The following ROR1 variants were observed in gnomAD, a reference collection of about 807,000 sequenced individuals.
ROR1 encodes the protein ROR family WNT receptor 1, also known as inactive tyrosine-protein kinase transmembrane receptor ROR1.
Under a neutral mutation model 78.8 loss-of-function variants are expected in ROR1, and 19 were observed. The observed-to-expected ratio is 0.24, with a 90% CI of 0.17 to 0.35. The LOEUF (loss-of-function observed/expected upper bound fraction) is 0.35, where lower values mean the gene tolerates loss of function less well. Among genes scored for constraint, ROR1 ranks in the 10% least tolerant of loss-of-function variants. ROR1 has a pLI of 1.00. For missense variants in ROR1, 917 were observed against 1,177.8 expected (o/e 0.78, Z 3.24); for synonymous variants, 386 against 433.6 (o/e 0.89, Z 1.36).
At chr1:64,130,084 A>G (rs1648859165) in intron 4 of ROR1, among the ~76,000 whole-genome samples, 1 of 152,250 alleles carries the variant, frequency 6.6e-6, no homozygotes, top group Non-Finnish European at 1.5e-5. Context: ...TAGCTAAGCG[A>G]ATAAATGTTA....
At chr1:63,820,113 TGATAA>T (rs1644915188) in intron 1 of ROR1, among the ~76,000 whole-genome samples, 1 of 152,222 alleles carries the variant, frequency 6.6e-6, no homozygotes, top group African/African-American at 2.4e-5. Context: ...AAAATGTCAT[TGATAA>T]GATATCAAAA....
intron 7 of ROR1, among the ~76,000 whole-genome samples, chr1:64,153,778 A>G (rs948224565): frequency 2.2e-4 from 33 of 152,324 alleles, no homozygotes; most frequent in African/African-American, 7.7e-4. Context: ...TTCAATGGGC[A>G]TAGAGTTTTA....
intron 2 of ROR1, among the ~76,000 whole-genome samples, chr1:64,040,201 G>A (rs116486465): frequency 8.3e-4 from 127 of 152,208 alleles, no homozygotes; most frequent in African/African-American, 3.0e-3. Context: ...TTTAAAATTG[G>A]GATGGATGAG....
intron 1 of ROR1, among the ~76,000 whole-genome samples, chr1:63,902,344 G>C (rs1235081703): frequency 1.3e-5 from 2 of 149,110 alleles, no homozygotes; most frequent in Non-Finnish European, 3.0e-5. Context: ...TCTTTTAAGA[G>C]TCTTGCTCTG....
intron 8 of ROR1, among the ~76,000 whole-genome samples, chr1:64,160,400 T>G (rs1649904438): frequency 6.6e-6 from 1 of 151,978 alleles, no homozygotes; most frequent in South Asian, 2.1e-4. Context: ...AAAAATTCAG[T>G]GTATATATTC....
intron 7 of ROR1, among the ~76,000 whole-genome samples, chr1:64,148,173 C>T (rs954962569): frequency 3.3e-5 from 5 of 152,124 alleles, no homozygotes; most frequent in African/African-American, 1.2e-4. Context: ...ATAGTTCTAT[C>T]CCCCTAGGAG....
Position 63,912,312 on chromosome 1 carries a change from AC to A in ROR1, c.92-96992del, listed in dbSNP as rs1157482515. 6.3e-4 allele frequency among the ~76,000 whole-genome samples: 92 copies of A among 144,894 alleles called. No individual in the cohort carries two copies. The South Asian group carries it at 0.017, about 26-fold the overall frequency. ...GACCCTATCTCAAAAAAAAAAAAAA[AC>A]AAAAAACAGAAGACATGGTCCTGAT... On this transcript the variant is annotated intron_variant, in intron 1 of 8. Coordinates refer to ENST00000371079, the MANE Select transcript of ROR1 (RefSeq NM_005012.4).
intron 2 of ROR1, among the ~76,000 whole-genome samples, chr1:64,045,146 C>T (rs1365552576): frequency 6.6e-6 from 1 of 152,132 alleles, no homozygotes; most frequent in Non-Finnish European, 1.5e-5. Flanking sequence ...TACCACCTAT[C>T]GAATTTTGGT....
intron 1 of ROR1, among the ~76,000 whole-genome samples, chr1:63,833,536 C>T (rs962028488): frequency 5.9e-5 from 9 of 152,138 alleles, no homozygotes; most frequent in East Asian, 5.8e-4. Context: ...CTGGCTAGCT[C>T]GGGGACGAGC....
chr1:63,878,608 C>T (rs1359684093), intron 1 of ROR1, among the ~76,000 whole-genome samples: 2 of 152,056 alleles, frequency 1.3e-5, no homozygotes, highest in Non-Finnish European at 2.9e-5. Flanking sequence ...GCTTGGCTTA[C>T]AGGACTCTGT....
chr1:63,831,441 A>G (rs1166011769), intron 1 of ROR1, among the ~76,000 whole-genome samples: 3 of 152,234 alleles, frequency 2.0e-5, no homozygotes, highest in Admixed American at 2.0e-4. Flanking sequence ...CGCAGGCCCA[A>G]CACCAGGTGG....
intron 1 of ROR1, among the ~76,000 whole-genome samples, chr1:63,957,745 GT>G (rs111859772): frequency 0.069 from 9,438 of 136,430 alleles, 748 homozygotes; most frequent in African/African-American, 0.23. Context: ...TTTGTTTTTT[GT>G]TTTTTTTTTT....
chr1:64,088,159 C>T (rs899582500), intron 4 of ROR1, among the ~76,000 whole-genome samples: 3 of 152,058 alleles, frequency 2.0e-5, no homozygotes, highest in Non-Finnish European at 4.4e-5. Flanking sequence ...AATTTGACAC[C>T]AATTATTGCT....
chr1:63,848,654 T>C (rs1401607228), intron 1 of ROR1, among the ~76,000 whole-genome samples: 1 of 152,198 alleles, frequency 6.6e-6, no homozygotes, highest in African/African-American at 2.4e-5. Context: ...CTTAGATGAA[T>C]GTGCCATGCA....
chr1:64,141,628 G>C (rs1233498432), intron 6 of ROR1, among the ~76,000 whole-genome samples: 1 of 152,018 alleles, frequency 6.6e-6, no homozygotes, highest in African/African-American at 2.4e-5. Context: ...GCAGCACCAC[G>C]CAAAAGACTA....
rs1002645420 is a variant in ROR1 at position 64,050,578 on chromosome 1, A to G, written c.452-108A>G. 2.9e-6 allele frequency: 3 copies of G among 1,033,192 alleles called. No individual in the cohort carries two copies. In the African/African-American group the frequency reaches 4.8e-5, roughly 17 times the overall value. The allele number at this position is 1,033,192 out of a possible 1,614,324, so 64.0% of individuals were successfully genotyped here. A position where few individuals can be genotyped will look rare whatever the true frequency, so the allele number is the denominator to read the frequency against. ...AATAAATTCCAGAAAAATAAATACT[A>G]CCTCTGGGTGGTTGAGAACTTTAAT... On this transcript the variant is annotated intron_variant, in intron 3 of 8. Transcript: ENST00000371079.
chr1:64,137,528 C>G, intron 5 of ROR1, 32 bp downstream of exon 5: 2 of 1,595,428 alleles, frequency 1.3e-6, no homozygotes, highest in Non-Finnish European at 1.7e-6. Context: ...ATATTTGTCC[C>G]TTGAATAACT....
At chr1:64,051,832 C>T (rs1338447357) in intron 4 of ROR1, among the ~76,000 whole-genome samples, 2 of 152,214 alleles carry the variant, frequency 1.3e-5, no homozygotes, top group Non-Finnish European at 2.9e-5. Flanking sequence ...ACAAGAGCAT[C>T]AAAATGTTTG....
At chr1:63,785,686 C>T (rs1478182681) in intron 1 of ROR1, among the ~76,000 whole-genome samples, 5 of 151,800 alleles carry the variant, frequency 3.3e-5, no homozygotes, top group African/African-American at 4.8e-5. Flanking sequence ...CCACCACGCC[C>T]GGCTAATTTT....
Sources: gnomAD v4.1 joint callset for allele counts (sites outside exome capture counted in the v4.1 genomes callset) on GRCh38, gnomAD v4.1.1 for gene constraint, MANE v1.5 for transcripts, NCBI Gene and HGNC (gene_info 2026-07-23, HGNC 2026-07-21) for gene names.